ADAMTS6: variants seen among roughly 807,000 people sequenced by gnomAD.
ADAMTS6 encodes the protein A disintegrin and metalloproteinase with thrombospondin motifs 6.
Under a neutral mutation model 144.3 loss-of-function variants are expected in ADAMTS6, and 23 were observed. That is an observed-to-expected ratio of 0.16 (90% CI 0.11 to 0.23). The LOEUF (loss-of-function observed/expected upper bound fraction) is 0.23. Ranked by LOEUF, ADAMTS6 falls within the 10% of genes least tolerant of loss-of-function variation. The pLI is 1.00. For synonymous variants in ADAMTS6, 444 were observed against 457.5 expected, an observed-to-expected ratio of 0.97 and a Z score of 0.38; for missense variants, 999 against 1,379.6, an observed-to-expected ratio of 0.72 and a Z score of 4.37.
At chr5:65,232,706 A>C (rs1758351688) in intron 15 of ADAMTS6, among the ~76,000 whole-genome samples, 1 of 151,956 alleles carries the variant, frequency 6.6e-6, no homozygotes, top group African/African-American at 2.4e-5. Context: ...TAAAAAAAAA[A>C]AAAACCTCTC....
chr5:65,435,116 T>C (rs1321795076), intron 7 of ADAMTS6, among the ~76,000 whole-genome samples: 7 of 152,128 alleles, frequency 4.6e-5, no homozygotes, highest in Non-Finnish European at 8.8e-5. Flanking sequence ...ATAACTGCAG[T>C]TTTTTAGATA....
At chr5:65,365,974 G>T in intron 7 of ADAMTS6, among the ~76,000 whole-genome samples, 1 of 151,658 alleles carries the variant, frequency 6.6e-6, no homozygotes, top group Non-Finnish European at 1.5e-5. Flanking sequence ...TAAGTTTCTG[G>T]TTCTGTTTTT....
chr5:65,351,582 C>A (rs983998308), intron 7 of ADAMTS6, among the ~76,000 whole-genome samples: 1 of 151,960 alleles, frequency 6.6e-6, no homozygotes, highest in African/African-American at 2.4e-5. Context: ...TTTATAATGA[C>A]CTTATTATAT....
intron 11 of ADAMTS6, among the ~76,000 whole-genome samples, chr5:65,280,549 G>A (rs1580280891): frequency 6.6e-6 from 1 of 152,028 alleles, no homozygotes; most frequent in South Asian, 2.1e-4. Flanking sequence ...TTGCCCGATA[G>A]CTTCAAATCA....
intron 9 of ADAMTS6, among the ~76,000 whole-genome samples, chr5:65,313,150 C>T (rs188625679): frequency 2.6e-3 from 358 of 137,172 alleles, no homozygotes; most frequent in African/African-American, 9.5e-3. Context: ...CACACACACA[C>T]ACACACACAC....
At chr5:65,318,747 G>A (rs1035873272) in intron 9 of ADAMTS6, among the ~76,000 whole-genome samples, 1 of 152,102 alleles carries the variant, frequency 6.6e-6, no homozygotes, top group Non-Finnish European at 1.5e-5. Flanking sequence ...TAGTTGGGGA[G>A]GGTGGGGGAT....
At position 65,313,860 on chromosome 5, in the gene ADAMTS6, G is replaced by A. The variant is rs1035100633; in HGVS notation, c.1224-13729C>T. Among the ~76,000 whole-genome samples the A allele has an allele frequency of 3.9e-5, 6 of 152,028 alleles. No individual in the cohort carries two copies. In the South Asian group the frequency reaches 6.2e-4, roughly 16 times the overall value. ...TCATTTTAGAGTTACACTTTACAAC[G>A]CAAACATGCATCATTCATTAGCAAT... On this transcript the variant is annotated intron_variant, in intron 9 of 24. Transcript: ENST00000381055.
chr5:65,433,498 G>A (rs1054678407), intron 7 of ADAMTS6, among the ~76,000 whole-genome samples: 13 of 152,016 alleles, frequency 8.6e-5, no homozygotes, highest in Non-Finnish European at 1.6e-4. Flanking sequence ...AATATAGTCC[G>A]AGTGACTACT....
chr5:65,289,697 A>T (rs763778808), intron 11 of ADAMTS6, among the ~76,000 whole-genome samples: 5 of 152,218 alleles, frequency 3.3e-5, no homozygotes, highest in Non-Finnish European at 7.3e-5. Flanking sequence ...AAAAGACTAT[A>T]TCGTGTAGCC....
chr5:65,413,448 A>G (rs908150234), intron 7 of ADAMTS6, among the ~76,000 whole-genome samples: 10 of 152,262 alleles, frequency 6.6e-5, no homozygotes, highest in Middle Eastern at 3.4e-3. Flanking sequence ...AATTCTTTTA[A>G]TAATATTGTA....
At chr5:65,457,741 CTTTCTTTT>C (rs1561560005) in intron 4 of ADAMTS6, among the ~76,000 whole-genome samples, 1 of 122,202 alleles carries the variant, frequency 8.2e-6, no homozygotes, top group Non-Finnish European at 1.7e-5. Context: ...TTTTTTCTTT[CTTTCTTTT>C]TTTTTTTTTT....
chr5:65,405,612 T>C (rs568233879), intron 7 of ADAMTS6, among the ~76,000 whole-genome samples: 32 of 152,338 alleles, frequency 2.1e-4, no homozygotes, highest in Admixed American at 3.9e-4. Context: ...TGGCTTAGGA[T>C]TGACTTGGCA....
intron 3 of ADAMTS6, among the ~76,000 whole-genome samples, chr5:65,467,539 A>T (rs887983517): frequency 6.6e-6 from 1 of 152,140 alleles, no homozygotes; most frequent in African/African-American, 2.4e-5. Context: ...AACTTTTAAG[A>T]CCTTTAAGTA....
At chr5:65,179,218 G>T (rs533673823) in intron 22 of ADAMTS6, among the ~76,000 whole-genome samples, 8 of 152,272 alleles carry the variant, frequency 5.3e-5, no homozygotes, top group African/African-American at 1.9e-4. Context: ...CACTGAGGTA[G>T]GACAAAAAGT....
chr5:65,365,974 G>A (rs1301544654), intron 7 of ADAMTS6, among the ~76,000 whole-genome samples: 3 of 151,540 alleles, frequency 2.0e-5, no homozygotes, highest in African/African-American at 7.3e-5. Flanking sequence ...TAAGTTTCTG[G>A]TTCTGTTTTT....
At chr5:65,369,268 A>G (rs1053705004) in intron 7 of ADAMTS6, among the ~76,000 whole-genome samples, 1 of 152,182 alleles carries the variant, frequency 6.6e-6, no homozygotes, top group African/African-American at 2.4e-5. Flanking sequence ...CAAAATTTGT[A>G]TAAATTGGGT....
rs1209751335 is a variant in ADAMTS6, at chr5:65,172,757, A to G, written c.3087+75T>C. On this transcript the variant is annotated intron_variant, in intron 23 of 24. Coordinates refer to ENST00000381055, the MANE Select transcript of ADAMTS6 (RefSeq NM_197941.4). Reference sequence around the variant, plus strand: ...CTTACTCATCTCTCAAGCCCTTACAATGATCACACAAGGAACCTCAGGTTT... The same window carrying G: ...CTTACTCATCTCTCAAGCCCTTACAGTGATCACACAAGGAACCTCAGGTTT... The G allele has an allele frequency of 1.2e-5, 18 of 1,520,188 alleles. No homozygotes were observed. The Admixed American group carries it at 1.2e-4, about 10-fold the overall frequency. 94.2% of individuals were successfully genotyped at this position (1,520,188 alleles called of 1,614,324 possible).
At chr5:65,192,705 A>G (rs191880963) in intron 21 of ADAMTS6, among the ~76,000 whole-genome samples, 2 of 147,478 alleles carry the variant, frequency 1.4e-5, no homozygotes, top group South Asian at 4.2e-4. Flanking sequence ...CACTACTTTC[A>G]TTCATAGTCA....
At chr5:65,388,929 C>T (rs1223102200) in intron 7 of ADAMTS6, among the ~76,000 whole-genome samples, 9 of 152,070 alleles carry the variant, frequency 5.9e-5, no homozygotes, top group African/African-American at 2.2e-4. Flanking sequence ...GTTTCCAGGC[C>T]GGGCGCAGTG....
Sources: allele counts gnomAD v4.1 joint callset (sites outside exome capture counted in the v4.1 genomes callset), GRCh38; gene constraint gnomAD v4.1.1; transcripts MANE v1.5; gene names NCBI Gene and HGNC (gene_info 2026-07-23, HGNC 2026-07-21).